The following HHAT variants were observed in gnomAD, a reference collection of about 807,000 sequenced individuals.
HHAT encodes protein-cysteine N-palmitoyltransferase HHAT.
Under a neutral mutation model 70.8 loss-of-function variants are expected in HHAT, and 47 were observed. That is an observed-to-expected ratio of 0.66 (90% CI 0.53 to 0.85). The LOEUF is 0.85. Ranked by LOEUF, HHAT falls within the 40% of genes least tolerant of loss-of-function variation. The pLI is 0.00. For missense variants in HHAT, 609 were observed against 604.8 expected (o/e 1.01, Z -0.07); for synonymous variants, 228 against 247.6 (o/e 0.92, Z 0.74).
intron 7 of HHAT, among the ~76,000 whole-genome samples, chr1:210,451,443 G>A (rs770732196): frequency 6.6e-6 from 1 of 152,112 alleles, no homozygotes; most frequent in South Asian, 2.1e-4. Context: ...AACGAGAAAG[G>A]TGACTTTTTT....
At chr1:210,353,790 C>T (rs974318228) in intron 2 of HHAT, among the ~76,000 whole-genome samples, 2 of 151,914 alleles carry the variant, frequency 1.3e-5, no homozygotes, top group Admixed American at 6.6e-5. Context: ...GCTTTATTTT[C>T]TCAGTTGTTT....
intron 7 of HHAT, among the ~76,000 whole-genome samples, chr1:210,456,122 C>T (rs1188109518): frequency 6.6e-6 from 1 of 152,172 alleles, no homozygotes; most frequent in Non-Finnish European, 1.5e-5. Context: ...AGCCTGGCCT[C>T]TTTGTATTGT....
intron 2 of HHAT, among the ~76,000 whole-genome samples, chr1:210,357,629 G>A (rs2087784755): frequency 6.6e-6 from 1 of 152,130 alleles, no homozygotes; most frequent in Non-Finnish European, 1.5e-5. Context: ...AGACCATCCT[G>A]GCTAACATGG....
intron 9 of HHAT, among the ~76,000 whole-genome samples, chr1:210,547,623 CAT>C (rs1346773987): frequency 2.0e-5 from 3 of 152,180 alleles, no homozygotes; most frequent in African/African-American, 7.2e-5. Flanking sequence ...GTCTCTAAAA[CAT>C]ATTGGACACC....
Position 210,674,490 on chromosome 1 carries a change from G to A in HHAT, c.*111G>A. The A allele has an allele frequency of 1.3e-6, 1 of 751,050 alleles. No individual in the cohort carries two copies. Among genetic ancestry groups the A allele is most frequent in the Non-Finnish European group, 2.2e-6 (1 of 450,468 alleles). 46.5% of individuals were successfully genotyped at this position (751,050 alleles called of 1,614,324 possible). ...AAGGGATTTGATCTGCTCATCTTCAGTTGAATGCCCTCACTCCAAGACTGG... is the reference window on the plus strand; with the variant it reads ...AAGGGATTTGATCTGCTCATCTTCAATTGAATGCCCTCACTCCAAGACTGG... On this transcript the variant is annotated 3_prime_UTR_variant, in exon 12 of 12. Transcript: ENST00000261458.
chr1:210,536,556 G>A (rs1412451695), intron 9 of HHAT, among the ~76,000 whole-genome samples: 1 of 152,270 alleles, frequency 6.6e-6, no homozygotes, highest in African/African-American at 2.4e-5. Flanking sequence ...ATTTACAGTG[G>A]AGGTGGAAGA....
At position 210,357,737 on chromosome 1, in the gene HHAT, G is replaced by A. The variant is rs570782780; in HGVS notation, c.92-5115G>A. 2.6e-5 allele frequency among the ~76,000 whole-genome samples: 4 copies of A among 152,236 alleles called. 1 individual carries two copies. In the East Asian group the frequency reaches 7.8e-4, roughly 30 times the overall value. ...TGGGAGGCTGAGGCAGGAGAATGGC[G>A]TGAACCCGGGAGGTGGAGCTTGCGG... is the stretch of plus-strand genomic sequence containing the variant. On this transcript the variant is annotated intron_variant, in intron 2 of 11. Coordinates refer to ENST00000261458, the MANE Select transcript of HHAT (RefSeq NM_018194.6).
At chr1:210,347,321 C>A (rs2086611751) in intron 1 of HHAT, among the ~76,000 whole-genome samples, 1 of 152,156 alleles carries the variant, frequency 6.6e-6, no homozygotes, top group Non-Finnish European at 1.5e-5. Flanking sequence ...AAAATGCCTA[C>A]CTCCCCTGTT....
chr1:210,628,193 G>T (rs960813423), intron 11 of HHAT, among the ~76,000 whole-genome samples: 4 of 152,094 alleles, frequency 2.6e-5, no homozygotes, highest in Admixed American at 6.5e-5. Context: ...TCAAGGGGGG[G>T]TGTTTATACA....
At chr1:210,673,326 T>A (rs1680469636) in intron 11 of HHAT, among the ~76,000 whole-genome samples, 4 of 151,962 alleles carry the variant, frequency 2.6e-5, no homozygotes. Flanking sequence ...GAGCTCCTAT[T>A]AGTGTTATTT....
intron 11 of HHAT, among the ~76,000 whole-genome samples, chr1:210,662,570 C>G (rs569131207): frequency 3.7e-4 from 56 of 152,280 alleles, no homozygotes; most frequent in African/African-American, 1.3e-3. Context: ...GCCTCTGGCT[C>G]CAGGGGCCTG....
intron 10 of HHAT, among the ~76,000 whole-genome samples, chr1:210,599,554 C>G (rs962186249): frequency 2.0e-5 from 3 of 152,174 alleles, no homozygotes; most frequent in Non-Finnish European, 4.4e-5. Context: ...ATTATGTTAT[C>G]CTTTGTACCT....
At chr1:210,622,791 C>T (rs1669104033) in intron 10 of HHAT, among the ~76,000 whole-genome samples, 2 of 152,162 alleles carry the variant, frequency 1.3e-5, no homozygotes, top group Non-Finnish European at 2.9e-5. Context: ...TGGATGGCTT[C>T]CCAGGGTCAG....
chr1:210,546,674 C>T (rs79813587), intron 9 of HHAT, among the ~76,000 whole-genome samples: 10,921 of 152,136 alleles, frequency 0.072, 728 homozygotes, highest in East Asian at 0.3. Flanking sequence ...TAACCCAGCA[C>T]TTGTGTGGAG....
intron 7 of HHAT, among the ~76,000 whole-genome samples, chr1:210,424,423 T>A (rs1480039429): frequency 1.3e-5 from 2 of 148,248 alleles, no homozygotes; most frequent in Non-Finnish European, 3.0e-5. Flanking sequence ...GGTAGAGTCT[T>A]TAGGTTTTTT....
intron 1 of HHAT, among the ~76,000 whole-genome samples, chr1:210,331,999 A>G (rs1178975859): frequency 2.0e-5 from 3 of 152,222 alleles, no homozygotes; most frequent in Admixed American, 6.5e-5. Context: ...TGTGTGCTCT[A>G]TGTCCATCTC....
At chr1:210,601,199 A>G (rs1282112144) in intron 10 of HHAT, among the ~76,000 whole-genome samples, 1 of 152,222 alleles carries the variant, frequency 6.6e-6, no homozygotes, top group Non-Finnish European at 1.5e-5. Context: ...GGTTTAAGAA[A>G]TCAACCAATT....
chr1:210,511,891 G>T (rs568032604), intron 8 of HHAT, among the ~76,000 whole-genome samples: 3 of 144,852 alleles, frequency 2.1e-5, no homozygotes, highest in South Asian at 4.6e-4. Context: ...CTGGGTTCAC[G>T]CCATTCTCCT....
rs1382809935 is a variant in HHAT, at chr1:210,646,361, A to C, written c.1390+22691A>C. Among the ~76,000 whole-genome samples the C allele has an allele frequency of 2.0e-5, 3 of 152,354 alleles. No homozygotes were observed. The East Asian group carries it at 5.8e-4, about 29-fold the overall frequency. On this transcript the variant is annotated intron_variant, in intron 11 of 11. Coordinates refer to ENST00000261458, the MANE Select transcript of HHAT (RefSeq NM_018194.6). Reference sequence around the variant, plus strand: ...CCTAGCCTGAACCTCTTGCGCTGGCAGGATAAGTTCCTGTTTTCTAATCTC... The same window carrying C: ...CCTAGCCTGAACCTCTTGCGCTGGCCGGATAAGTTCCTGTTTTCTAATCTC...
Sources: gnomAD v4.1 joint callset for allele counts (sites outside exome capture counted in the v4.1 genomes callset) on GRCh38, gnomAD v4.1.1 for gene constraint, MANE v1.5 for transcripts, NCBI Gene and HGNC (gene_info 2026-07-23, HGNC 2026-07-21) for gene names.